CCDC91: variants seen among roughly 807,000 people sequenced by gnomAD.
The protein encoded by CCDC91 is coiled-coil domain-containing protein 91.
Under a neutral mutation model 63.2 loss-of-function variants are expected in CCDC91, and 48 were observed. The observed-to-expected ratio is 0.76, with a 90% confidence interval of 0.60 to 0.97. The LOEUF (loss-of-function observed/expected upper bound fraction) is 0.97. Ranked by LOEUF, CCDC91 falls within the 50% of genes least tolerant of loss-of-function variation. The pLI, the probability that CCDC91 is intolerant of heterozygous loss-of-function variation, is 0.00. For missense variants in CCDC91, 500 were observed against 494.6 expected (o/e 1.01, Z -0.10); for synonymous variants, 167 against 165.8 (o/e 1.01, Z -0.06).
intron 8 of CCDC91, among the ~76,000 whole-genome samples, chr12:28,402,515 C>A (rs1250566452): frequency 8.3e-6 from 1 of 120,888 alleles, no homozygotes; most frequent in Admixed American, 9.7e-5. Context: ...TTATTAGTTC[C>A]AGGAATTTTT....
At chr12:28,288,499 A>G (rs1949036321) in intron 3 of CCDC91, among the ~76,000 whole-genome samples, 1 of 16,978 alleles carries the variant, frequency 5.9e-5, no homozygotes, top group Admixed American at 1.2e-3. Flanking sequence ...GATGAATCAT[A>G]TTTATTAATT....
intron 1 of CCDC91, among the ~76,000 whole-genome samples, chr12:28,253,583 G>A (rs1164250554): frequency 6.6e-6 from 1 of 152,184 alleles, no homozygotes; most frequent in Admixed American, 6.5e-5. Context: ...ATTCTCTTAT[G>A]TATTCATAAG....
intron 3 of CCDC91, among the ~76,000 whole-genome samples, chr12:28,267,751 C>CTATATAATTATATATAATTATATAGTAA (rs36014946): frequency 3.9e-5 from 2 of 51,874 alleles, no homozygotes; most frequent in African/African-American, 6.9e-5. Context: ...TTATATATTA[C>CTATATAATTATATATAATTATATAGTAA]TATATAATTA....
At chr12:28,398,219 C>T (rs1424064709) in intron 8 of CCDC91, among the ~76,000 whole-genome samples, 1 of 152,058 alleles carries the variant, frequency 6.6e-6, no homozygotes, top group Non-Finnish European at 1.5e-5. Flanking sequence ...ACCCACTAAT[C>T]TATAGTCTGT....
intron 3 of CCDC91, among the ~76,000 whole-genome samples, chr12:28,267,919 AT>A (rs1195142574): frequency 1.0e-5 from 1 of 95,730 alleles, no homozygotes; most frequent in Non-Finnish European, 1.9e-5. Context: ...ATATATAATT[AT>A]TATAATTATA....
At chr12:28,522,900 A>G (rs1940867522) in intron 12 of CCDC91, among the ~76,000 whole-genome samples, 1 of 152,112 alleles carries the variant, frequency 6.6e-6, no homozygotes, top group South Asian at 2.1e-4. Context: ...GAGTTTCTTA[A>G]TCGTGAGTTC....
intron 8 of CCDC91, among the ~76,000 whole-genome samples, chr12:28,448,075 T>G (rs1233019532): frequency 1.3e-5 from 2 of 152,048 alleles, no homozygotes; most frequent in African/African-American, 4.8e-5. Context: ...CTATAGGTAA[T>G]AATGAGGTAT....
At chr12:28,407,211 T>C (rs941033947) in intron 8 of CCDC91, among the ~76,000 whole-genome samples, 4 of 152,192 alleles carry the variant, frequency 2.6e-5, no homozygotes, top group African/African-American at 9.6e-5. Context: ...GTGTTTTCTG[T>C]ACAGCCTGAA....
chr12:28,363,694 G>T (rs915983463), intron 7 of CCDC91, among the ~76,000 whole-genome samples: 1 of 151,678 alleles, frequency 6.6e-6, no homozygotes, highest in Non-Finnish European at 1.5e-5. Context: ...TGGCTAACAC[G>T]GTGAAACCCC....
intron 6 of CCDC91, among the ~76,000 whole-genome samples, chr12:28,315,883 CTTCT>C (rs1214802431): frequency 6.6e-6 from 1 of 151,392 alleles, no homozygotes; most frequent in Admixed American, 6.6e-5. Context: ...TATCTCCTTC[CTTCT>C]GTCTCATTTA....
chr12:28,362,970 C>T (rs1041742637), intron 7 of CCDC91, among the ~76,000 whole-genome samples: 1 of 151,932 alleles, frequency 6.6e-6, no homozygotes, highest in East Asian at 1.9e-4. Flanking sequence ...TACAGTAAAA[C>T]ATTAATATTT....
chr12:28,432,836 C>T (rs1948702654), intron 8 of CCDC91, among the ~76,000 whole-genome samples: 1 of 152,048 alleles, frequency 6.6e-6, no homozygotes, highest in Non-Finnish European at 1.5e-5. Flanking sequence ...TGGTTATGCA[C>T]CAGCAATAAA....
chr12:28,338,441 G>A (rs1327798234), intron 6 of CCDC91, among the ~76,000 whole-genome samples: 1 of 151,988 alleles, frequency 6.6e-6, no homozygotes, highest in Non-Finnish European at 1.5e-5. Context: ...GTGTGTGTGG[G>A]TAGAGAAAAC....
intron 6 of CCDC91, among the ~76,000 whole-genome samples, chr12:28,337,336 CTAACA>C (rs1354683583): frequency 1.3e-5 from 2 of 152,084 alleles, no homozygotes; most frequent in African/African-American, 2.4e-5. Context: ...CATTATCTAT[CTAACA>C]TAACAAACCT....
Position 28,386,296 on chromosome 12 carries a change from C to CTG in CCDC91, c.655-5007_655-5006insGT, listed in dbSNP as rs146877402. Among the ~76,000 whole-genome samples the CTG allele has an allele frequency of 9.2e-3, 1,402 of 152,230 alleles. 28 individuals carry two copies. Among genetic ancestry groups the CTG allele is most frequent in the African/African-American group, 0.032 (1,333 of 41,542 alleles). On this transcript the variant is annotated intron_variant, in intron 7 of 12. Coordinates refer to ENST00000536442, the MANE Select transcript of CCDC91 (RefSeq NM_018318.5). ...ATCAGCTGGTTATGTACAAGGCAGT[C>CTG]TAAAAAGCTGTTCATGAAGTTATAG...
At chr12:28,278,927 T>C (rs377475042) in intron 3 of CCDC91, among the ~76,000 whole-genome samples, 1 of 152,154 alleles carries the variant, frequency 6.6e-6, no homozygotes, top group East Asian at 1.9e-4. Flanking sequence ...TATGCACATA[T>C]ACATGCATAC....
chr12:28,405,823 AT>A (rs1181655641), intron 8 of CCDC91, among the ~76,000 whole-genome samples: 1 of 152,128 alleles, frequency 6.6e-6, no homozygotes, highest in African/African-American at 2.4e-5. Flanking sequence ...CAAATTTTGG[AT>A]TTTTTGAATA....
At chr12:28,402,520 A>ATTTTTTTTTTT (rs57398967) in intron 8 of CCDC91, among the ~76,000 whole-genome samples, 202 of 51,880 alleles carry the variant, frequency 3.9e-3, no homozygotes, top group African/African-American at 5.1e-3. Flanking sequence ...AGTTCCAGGA[A>ATTTTTTTTTTT]TTTTTTTTTT....
intron 8 of CCDC91, among the ~76,000 whole-genome samples, chr12:28,424,175 C>T (rs1948174400): frequency 2.0e-5 from 3 of 152,054 alleles, no homozygotes. Context: ...AGTGATCCTC[C>T]TGCCTCACCC....
Sources: gnomAD v4.1 joint callset for allele counts (sites outside exome capture counted in the v4.1 genomes callset) on GRCh38, gnomAD v4.1.1 for gene constraint, MANE v1.5 for transcripts, NCBI Gene and HGNC (gene_info 2026-07-23, HGNC 2026-07-21) for gene names.